EYS: variants seen among roughly 807,000 people sequenced by gnomAD.
EYS encodes the protein protein eyes shut homolog.
In EYS, 250 loss-of-function variants were observed where a neutral mutation model predicts 282.1. The ratio of observed to expected loss-of-function variants is 0.89; its 90% confidence interval spans 0.80 to 0.98. EYS has a LOEUF of 0.98. Among genes scored for constraint, EYS ranks in the 50% least tolerant of loss-of-function variants. The pLI, the probability that EYS is intolerant of heterozygous loss-of-function variation, is 0.00. For synonymous variants in EYS, 1,355 were observed against 1,282.9 expected (o/e 1.06, Z -1.20); for missense variants, 4,016 against 3,709.0 (o/e 1.08, Z -2.15).
At chr6:64,080,774 T>C (rs1319430632) in intron 32 of EYS, among the ~76,000 whole-genome samples, 1 of 151,922 alleles carries the variant, frequency 6.6e-6, no homozygotes. Flanking sequence ...TTTCTACATA[T>C]GGCTAGCCAG....
chr6:64,651,246 A>G (rs1168815292), intron 22 of EYS, among the ~76,000 whole-genome samples: 1 of 152,294 alleles, frequency 6.6e-6, no homozygotes, highest in African/African-American at 2.4e-5. Context: ...AAAAAAGACT[A>G]AATAGTTGCC....
intron 23 of EYS, among the ~76,000 whole-genome samples, chr6:64,619,657 GT>G (rs1767384161): frequency 6.6e-6 from 1 of 151,954 alleles, no homozygotes; most frequent in Non-Finnish European, 1.5e-5. Flanking sequence ...GTCTTTCATT[GT>G]TGTTGTTTTT....
At chr6:65,430,720 G>A (rs927376284) in intron 5 of EYS, among the ~76,000 whole-genome samples, 1 of 152,194 alleles carries the variant, frequency 6.6e-6, no homozygotes, top group Non-Finnish European at 1.5e-5. Context: ...ACTGGTCAGA[G>A]TCATGAGGCC....
intron 26 of EYS, among the ~76,000 whole-genome samples, chr6:64,491,848 G>C (rs951180357): frequency 2.0e-5 from 3 of 151,134 alleles, no homozygotes; most frequent in African/African-American, 7.3e-5. Flanking sequence ...ATGTCATAAT[G>C]CAAGAAAATA....
At chr6:63,921,097 C>T (rs148247797) in intron 35 of EYS, among the ~76,000 whole-genome samples, 8,796 of 152,188 alleles carry the variant, frequency 0.058, 319 homozygotes, top group South Asian at 0.14. Flanking sequence ...AGGGTTTCAC[C>T]GTGTTAACCA....
intron 14 of EYS, 36 bp downstream of exon 14, chr6:64,997,536 TATATTAGTCC>T: frequency 1.3e-6 from 2 of 1,530,450 alleles, no homozygotes; most frequent in Non-Finnish European, 1.8e-6. Context: ...GGTGTTAAAT[TATATTAGTCC>T]ACATTTAGGT....
intron 23 of EYS, among the ~76,000 whole-genome samples, chr6:64,623,676 C>T (rs955295631): frequency 6.6e-6 from 1 of 151,990 alleles, no homozygotes; most frequent in Non-Finnish European, 1.5e-5. Context: ...AGTATTCTAT[C>T]AAAATCAGTT....
rs70999177 is a variant in EYS, at chr6:64,901,294, GTA to G, written c.2846+817_2846+818del. Among the ~76,000 whole-genome samples the G allele has an allele frequency of 3.1e-3, 391 of 127,676 alleles. 13 individuals carry two copies. The highest frequency in any genetic ancestry group is 0.014 in the South Asian group (54 of 3,910). The allele number at this position is 127,676 out of a possible 152,430, so 83.8% of individuals were successfully genotyped here. A position where few individuals can be genotyped will look rare whatever the true frequency, so the allele number is the denominator to read the frequency against. On this transcript the variant is annotated intron_variant, in intron 18 of 42. Transcript: ENST00000503581. ...TTAGGAGAAATACCTATGTAGTTGA[GTA>G]TATATATATATATATATATAGGCAG...
intron 22 of EYS, among the ~76,000 whole-genome samples, chr6:64,656,773 G>T (rs1054219038): frequency 6.6e-6 from 1 of 152,112 alleles, no homozygotes; most frequent in African/African-American, 2.4e-5. Flanking sequence ...TAATTCACCA[G>T]AATTTCTGTT....
At chr6:64,993,063 T>C (rs1562291433) in intron 14 of EYS, among the ~76,000 whole-genome samples, 1 of 152,060 alleles carries the variant, frequency 6.6e-6, no homozygotes, top group Non-Finnish European at 1.5e-5. Flanking sequence ...GGAGATACCA[T>C]ATAGGCATTT....
intron 12 of EYS, among the ~76,000 whole-genome samples, chr6:65,286,719 A>T (rs1003377662): frequency 1.3e-5 from 2 of 151,774 alleles, no homozygotes; most frequent in Admixed American, 1.3e-4. Context: ...TCTCAGTGAT[A>T]TGCCACTTAG....
chr6:63,943,345 A>C (rs557628587), intron 35 of EYS, among the ~76,000 whole-genome samples: 25 of 152,340 alleles, frequency 1.6e-4, no homozygotes, highest in African/African-American at 5.8e-4. Context: ...TGATTATTTA[A>C]TCACAGAGTT....
chr6:63,881,717 G>T (rs1204692120), intron 35 of EYS, among the ~76,000 whole-genome samples: 1 of 151,970 alleles, frequency 6.6e-6, no homozygotes, highest in Non-Finnish European at 1.5e-5. Context: ...GCCTGAAAAT[G>T]TTATTTCCAT....
At chr6:65,209,426 T>A (rs982376024) in intron 12 of EYS, among the ~76,000 whole-genome samples, 5 of 151,788 alleles carry the variant, frequency 3.3e-5, no homozygotes, top group Non-Finnish European at 5.9e-5. Context: ...ACCATTTTTA[T>A]CCCCCACTTA....
At chr6:64,734,752 T>G (rs771455496) in intron 22 of EYS, among the ~76,000 whole-genome samples, 24 of 152,130 alleles carry the variant, frequency 1.6e-4, no homozygotes, top group Non-Finnish European at 3.2e-4. Flanking sequence ...GAGAAAATGT[T>G]CACACGGACA....
intron 29 of EYS, among the ~76,000 whole-genome samples, chr6:64,380,215 T>C (rs1772698949): frequency 6.6e-6 from 1 of 152,152 alleles, no homozygotes; most frequent in Non-Finnish European, 1.5e-5. Context: ...CTATGAAGCA[T>C]GCTTAATAAC....
rs1466746370 is a variant in EYS at position 65,367,797 on chromosome 6, G to A, written c.1300-14180C>T. ...TCTATAGCTAATATCAATTATTATA[G>A]CCAATCAACAGAAAACATGTGGATT... is the stretch of plus-strand genomic sequence containing the variant. On this transcript the variant is annotated intron_variant, in intron 8 of 42. Coordinates refer to ENST00000503581, the MANE Select transcript of EYS (RefSeq NM_001142800.2). 3.3e-5 allele frequency among the ~76,000 whole-genome samples: 5 copies of A among 151,760 alleles called. No individual in the cohort carries two copies. In the East Asian group the frequency reaches 7.7e-4, roughly 24 times the overall value.
intron 22 of EYS, among the ~76,000 whole-genome samples, chr6:64,790,917 A>T (rs892489014): frequency 6.6e-6 from 1 of 151,904 alleles, no homozygotes; most frequent in Non-Finnish European, 1.5e-5. Flanking sequence ...TTTCCTCTCT[A>T]CATAATTTAA....
chr6:64,488,116 A>T (rs1448355639), intron 26 of EYS, among the ~76,000 whole-genome samples: 2 of 151,010 alleles, frequency 1.3e-5, no homozygotes, highest in Non-Finnish European at 3.0e-5. Context: ...AGTTGTTTTG[A>T]CCTATTTTCA....
Sources: gnomAD v4.1 joint callset for allele counts (sites outside exome capture counted in the v4.1 genomes callset) on GRCh38, gnomAD v4.1.1 for gene constraint, MANE v1.5 for transcripts, NCBI Gene and HGNC (gene_info 2026-07-23, HGNC 2026-07-21) for gene names.